Variants in C12orf42 observed in about 807,000 individuals in gnomAD.
C12orf42 encodes the protein chromosome 12 open reading frame 42.
A neutral mutation model predicts 21.6 loss-of-function variants in C12orf42; 25 were observed. That is an observed-to-expected ratio of 1.16 (90% confidence interval 0.84 to 1.62). The LOEUF is 1.62. C12orf42 is among the 40% of genes most tolerant of loss of function. C12orf42 has a pLI of 0.00. For missense variants in C12orf42, 483 were observed against 459.3 expected (o/e 1.05, Z -0.47); for synonymous variants, 174 against 175.0 (o/e 0.99, Z 0.05).
the C12orf42 span, among the ~76,000 whole-genome samples, chr12:103,055,346 G>T: frequency 6.6e-6 from 1 of 151,898 alleles, no homozygotes. Context: ...ATTTATGTGT[G>T]TAGAGTTCTT....
chr12:103,290,482 T>C (rs2036732199), intron 4 of C12orf42, among the ~76,000 whole-genome samples: 1 of 152,316 alleles, frequency 6.6e-6, no homozygotes, highest in South Asian at 2.1e-4. Flanking sequence ...TGCAAGGACA[T>C]GTGAAGAGAA....
the C12orf42 span, among the ~76,000 whole-genome samples, chr12:103,552,300 A>G: frequency 3.0e-4 from 46 of 152,234 alleles, no homozygotes; most frequent in African/African-American, 1.1e-3. Flanking sequence ...AAGTGGCTCT[A>G]TTTCCCCCGT....
chr12:103,304,123 G>A (rs938070500), intron 5 of C12orf42, among the ~76,000 whole-genome samples: 3 of 152,090 alleles, frequency 2.0e-5, no homozygotes, highest in African/African-American at 7.2e-5. Flanking sequence ...AAAGCTCTGG[G>A]GTCAGGACTT....
At chr12:103,179,269 T>C in the C12orf42 span, among the ~76,000 whole-genome samples, 1 of 152,214 alleles carries the variant, frequency 6.6e-6, no homozygotes, top group Non-Finnish European at 1.5e-5. Flanking sequence ...TGAGATTTTG[T>C]GGGAGACAGA....
chr12:103,466,079 G>T (rs947299335), intron 2 of C12orf42, among the ~76,000 whole-genome samples: 1 of 152,078 alleles, frequency 6.6e-6, no homozygotes, highest in African/African-American at 2.4e-5. Context: ...TTGTATCTTT[G>T]CCAGCTTTTG....
the C12orf42 span, among the ~76,000 whole-genome samples, chr12:103,091,083 GA>G: frequency 6.6e-6 from 1 of 152,010 alleles, no homozygotes; most frequent in Admixed American, 6.6e-5. Context: ...CCAGTTCTAA[GA>G]ATTTTTGAAT....
At chr12:103,210,922 T>C in the C12orf42 span, among the ~76,000 whole-genome samples, 229 of 152,020 alleles carry the variant, frequency 1.5e-3, 1 homozygote, top group African/African-American at 5.3e-3. Context: ...GCCCAGGAGT[T>C]CGAGTAGGCA....
the C12orf42 span, among the ~76,000 whole-genome samples, chr12:103,078,339 A>G: frequency 6.6e-6 from 1 of 152,180 alleles, no homozygotes; most frequent in South Asian, 2.1e-4. Flanking sequence ...ATCAAAGTTT[A>G]TGGTTTTTTT....
intron 4 of C12orf42, among the ~76,000 whole-genome samples, chr12:103,347,296 C>T (rs2042712416): frequency 1.3e-5 from 2 of 149,408 alleles, no homozygotes; most frequent in African/African-American, 4.9e-5. Flanking sequence ...TGAGTGAGAA[C>T]ATGCGGTGTT....
At chr12:103,538,599 C>A in the C12orf42 span, among the ~76,000 whole-genome samples, 1 of 152,228 alleles carries the variant, frequency 6.6e-6, no homozygotes, top group Non-Finnish European at 1.5e-5. Context: ...GTTTGTCAGA[C>A]CTCCAGGCAT....
chr12:103,364,081 A>C lies in C12orf42; in HGVS notation c.259+4806T>G, dbSNP rs148406704. ...GTGCATGGAACTCTCTCCAAGATAG[A>C]CCATGTGATAGGCCACAAAACAAGC... On this transcript the variant is annotated intron_variant, in intron 4 of 5. Coordinates refer to ENST00000548883, the MANE Select transcript of C12orf42 (RefSeq NM_198521.5). Among the ~76,000 whole-genome samples the C allele has an allele frequency of 2.0e-5, 3 of 152,242 alleles. No homozygotes were observed. The East Asian group carries it at 5.8e-4, about 29-fold the overall frequency.
chr12:103,483,157 T>C (rs1277671185), intron 1 of C12orf42, among the ~76,000 whole-genome samples: 1 of 152,116 alleles, frequency 6.6e-6, no homozygotes, highest in Non-Finnish European at 1.5e-5. Flanking sequence ...CATTTTAGTT[T>C]GAACCTTATA....
the C12orf42 span, among the ~76,000 whole-genome samples, chr12:103,068,973 A>C: frequency 7.6e-4 from 80 of 104,830 alleles, 6 homozygotes; most frequent in African/African-American, 3.2e-3. Context: ...ATATATATAT[A>C]TATATATATA....
chr12:103,125,130 A>T, the C12orf42 span, among the ~76,000 whole-genome samples: 5 of 152,156 alleles, frequency 3.3e-5, no homozygotes, highest in Admixed American at 2.6e-4. Context: ...GGACTCCACC[A>T]TTCTTTCATA....
chr12:103,399,720 A>G (rs190622946), intron 3 of C12orf42, among the ~76,000 whole-genome samples: 148 of 152,270 alleles, frequency 9.7e-4, no homozygotes, highest in African/African-American at 3.4e-3. Flanking sequence ...GTCTCTTAAA[A>G]AGCAAAGACT....
At chr12:103,205,658 CAA>C in the C12orf42 span, among the ~76,000 whole-genome samples, 50,087 of 151,758 alleles carry the variant, frequency 0.33, 9,178 homozygotes, top group South Asian at 0.42. Flanking sequence ...ACATATGCAC[CAA>C]GAGACATTTA....
chr12:103,368,958 C>G lies in C12orf42; in HGVS notation c.188G>C (p.Arg63Thr). 6.2e-7 allele frequency: 1 copy of G among 1,600,668 alleles called. No individual in the cohort carries two copies. Among genetic ancestry groups the G allele is most frequent in the South Asian group, 1.1e-5 (1 of 88,616 alleles). Residue 63 changes from arginine to threonine, a missense_variant, in exon 4 of 6, where the codon AGA becomes ACA. Transcript: ENST00000548883. ...GAAATTCTTCATGTGATTAATGAAT[C>G]TGGAGCAGGGTACTGAAGTTCTTTC... is the stretch of plus-strand genomic sequence containing the variant. ...CYERTSVPCS[R>T]FINHMKNFSE...
At chr12:103,251,951 A>T (rs2034327745) in intron 10 of C12orf42, among the ~76,000 whole-genome samples, 1 of 152,124 alleles carries the variant, frequency 6.6e-6, no homozygotes, top group African/African-American at 2.4e-5. Flanking sequence ...ATTGATAAAC[A>T]ATTTATTTTA....
intron 2 of C12orf42, among the ~76,000 whole-genome samples, chr12:103,470,070 A>T (rs980814931): frequency 3.9e-5 from 6 of 152,254 alleles, no homozygotes; most frequent in Non-Finnish European, 5.9e-5. Context: ...TGATGAACTC[A>T]GGACTAAAAC....
Sources: gnomAD v4.1 joint callset for allele counts (sites outside exome capture counted in the v4.1 genomes callset) on GRCh38, gnomAD v4.1.1 for gene constraint, MANE v1.5 for transcripts, NCBI Gene and HGNC (gene_info 2026-07-23, HGNC 2026-07-21) for gene names.